PALM2AKAP2: variants seen among roughly 807,000 people sequenced by gnomAD.
PALM2AKAP2 encodes PALM2 and AKAP2 fusion.
PALM2AKAP2 carries 37 observed loss-of-function variants against 71.5 expected under a neutral mutation model. The ratio of observed to expected loss-of-function variants is 0.52; its 90% CI spans 0.40 to 0.68. The LOEUF is 0.68. Ranked by LOEUF, PALM2AKAP2 falls within the 30% of genes least tolerant of loss-of-function variation. The pLI is 0.00. For synonymous variants in PALM2AKAP2, 468 were observed against 478.8 expected (o/e 0.98, Z 0.29); for missense variants, 1,224 against 1,191.8 (o/e 1.03, Z -0.40).
intron 1 of PALM2AKAP2, among the ~76,000 whole-genome samples, chr9:109,759,396 A>G (rs761373260): frequency 3.3e-5 from 5 of 152,182 alleles, no homozygotes; most frequent in Non-Finnish European, 7.4e-5. Flanking sequence ...CTCAGAAAAC[A>G]TGGCATCAAA....
chr9:110,055,621 A>G (rs1833821676), intron 1 of PALM2AKAP2, among the ~76,000 whole-genome samples: 1 of 152,202 alleles, frequency 6.6e-6, no homozygotes, highest in African/African-American at 2.4e-5. Flanking sequence ...TTAGTCTTCA[A>G]AATATGAATT....
At chr9:110,101,614 G>A (rs1056700858) in intron 1 of PALM2AKAP2, among the ~76,000 whole-genome samples, 61 of 152,134 alleles carry the variant, frequency 4.0e-4, no homozygotes, top group Non-Finnish European at 2.5e-4. Flanking sequence ...GTGCTTTCAG[G>A]TGCAAACAGC....
At chr9:109,882,008 C>T (rs543627467) in intron 3 of PALM2AKAP2, among the ~76,000 whole-genome samples, 22 of 151,556 alleles carry the variant, frequency 1.5e-4, no homozygotes, top group Middle Eastern at 3.4e-3. Context: ...CTCAGCCTCC[C>T]GAGTAGCTGG....
At chr9:109,996,496 G>A (rs973871642) in intron 6 of PALM2AKAP2, among the ~76,000 whole-genome samples, 2 of 152,196 alleles carry the variant, frequency 1.3e-5, no homozygotes, top group African/African-American at 4.8e-5. Flanking sequence ...AAATTAGTTT[G>A]GGCCTCAAGG....
intron 1 of PALM2AKAP2, among the ~76,000 whole-genome samples, chr9:109,681,874 C>T (rs900734887): frequency 2.6e-5 from 4 of 152,088 alleles, no homozygotes; most frequent in African/African-American, 9.7e-5. Context: ...TTAATCAGCA[C>T]CCCTCTCCCC....
At chr9:109,927,253 T>C (rs1275831973) in intron 5 of PALM2AKAP2, among the ~76,000 whole-genome samples, 4 of 152,194 alleles carry the variant, frequency 2.6e-5, no homozygotes, top group African/African-American at 9.7e-5. Flanking sequence ...GTGATTGATG[T>C]ATATAGAGTC....
At chr9:109,887,447 T>C (rs1829991438) in intron 3 of PALM2AKAP2, among the ~76,000 whole-genome samples, 1 of 152,242 alleles carries the variant, frequency 6.6e-6, no homozygotes, top group Non-Finnish European at 1.5e-5. Context: ...TTCCATTCTT[T>C]TGTTTCCTTC....
chr9:109,813,311 C>T (rs1369412200), intron 1 of PALM2AKAP2, among the ~76,000 whole-genome samples: 4 of 152,140 alleles, frequency 2.6e-5, no homozygotes, highest in Admixed American at 1.3e-4. Context: ...TCTCAGCTTG[C>T]CCTAATGAAT....
chr9:109,844,339 T>A (rs1248665551), intron 1 of PALM2AKAP2, among the ~76,000 whole-genome samples: 2 of 152,150 alleles, frequency 1.3e-5, no homozygotes, highest in Admixed American at 1.3e-4. Flanking sequence ...ACTGAGGGGA[T>A]GTACCATTGC....
At chr9:109,899,262 G>A (rs1360392440) in intron 3 of PALM2AKAP2, among the ~76,000 whole-genome samples, 3 of 152,072 alleles carry the variant, frequency 2.0e-5, no homozygotes, top group Non-Finnish European at 4.4e-5. Flanking sequence ...CATGCACCCA[G>A]TTGCCCAAGT....
intron 1 of PALM2AKAP2, among the ~76,000 whole-genome samples, chr9:110,064,847 C>T (rs968046242): frequency 6.6e-6 from 1 of 152,226 alleles, no homozygotes; most frequent in Non-Finnish European, 1.5e-5. Context: ...GACTTGTCTT[C>T]TGGCATTGCG....
intron 1 of PALM2AKAP2, among the ~76,000 whole-genome samples, chr9:109,802,874 A>G (rs1029110957): frequency 2.0e-5 from 3 of 152,074 alleles, no homozygotes; most frequent in Admixed American, 6.5e-5. Flanking sequence ...TAGATTGTTC[A>G]TGAAGGAATG....
At chr9:110,118,640 T>A (rs1835418968) in intron 1 of PALM2AKAP2, among the ~76,000 whole-genome samples, 1 of 152,162 alleles carries the variant, frequency 6.6e-6, no homozygotes, top group South Asian at 2.1e-4. Context: ...CCCACCTGTC[T>A]CTCTGTATTT....
chr9:109,906,380 G>A (rs974034130), intron 3 of PALM2AKAP2, among the ~76,000 whole-genome samples: 14 of 152,250 alleles, frequency 9.2e-5, no homozygotes, highest in South Asian at 4.2e-4. Flanking sequence ...TGTATTTTCC[G>A]TAGAGACGGG....
chr9:109,885,400 C>T (rs1231756618), intron 3 of PALM2AKAP2, among the ~76,000 whole-genome samples: 1 of 152,182 alleles, frequency 6.6e-6, no homozygotes, highest in African/African-American at 2.4e-5. Context: ...TACCAGGCCT[C>T]ATTCTAGGAA....
In PALM2AKAP2 at chr9:109,961,126, G is replaced by C. The variant is rs145968453; in HGVS notation, c.496+29098G>C. ...CTTGGAGTTGTTCAGTGCATAACATGCATACTACACCTGCTCAGGCAAAAG... is the reference window on the plus strand; with the variant it reads ...CTTGGAGTTGTTCAGTGCATAACATCCATACTACACCTGCTCAGGCAAAAG... On this transcript the variant is annotated intron_variant, in intron 6 of 9. Coordinates refer to the PALM2AKAP2 transcript ENST00000302798. 3.9e-3 allele frequency among the ~76,000 whole-genome samples: 592 copies of C among 152,304 alleles called. 2 individuals carry two copies. The highest frequency in any genetic ancestry group is 8.5e-3 in the South Asian group (41 of 4,826).
chr9:109,943,500 C>G (rs554222639), intron 6 of PALM2AKAP2: 13 of 1,495,016 alleles, frequency 8.7e-6, no homozygotes, highest in Non-Finnish European at 1.2e-5. Context: ...GTACCACTAA[C>G]TGCAATACTG....
chr9:109,686,783 C>G (rs1356227483), intron 1 of PALM2AKAP2, among the ~76,000 whole-genome samples: 1 of 151,666 alleles, frequency 6.6e-6, no homozygotes, highest in East Asian at 1.9e-4. Context: ...CCCACTAACT[C>G]CTCATTTAAC....
chr9:110,078,281 T>C (rs970719274), intron 1 of PALM2AKAP2, among the ~76,000 whole-genome samples: 3 of 152,214 alleles, frequency 2.0e-5, no homozygotes, highest in Non-Finnish European at 4.4e-5. Flanking sequence ...ATTAGTTACA[T>C]GACAACCTTC....
Sources: allele counts gnomAD v4.1 joint callset (sites outside exome capture counted in the v4.1 genomes callset), GRCh38; gene constraint gnomAD v4.1.1; transcripts MANE v1.5; gene names NCBI Gene and HGNC (gene_info 2026-07-23, HGNC 2026-07-21).